KCNT2: variants seen among roughly 807,000 people sequenced by gnomAD.
KCNT2 encodes the protein potassium channel subfamily T member 2.
In KCNT2, 67 loss-of-function variants were observed where a neutral mutation model predicts 153.8. The observed-to-expected ratio is 0.44, with a 90% CI of 0.36 to 0.53. KCNT2 has a LOEUF of 0.53. Ranked by LOEUF, KCNT2 falls within the 20% of genes least tolerant of loss-of-function variation. The probability of loss-of-function intolerance (pLI) is 0.00; values close to 1 mark genes in which losing one functional copy is unlikely to be tolerated. For synonymous variants in KCNT2, 500 were observed against 458.8 expected, an observed-to-expected ratio of 1.09 and a Z score of -1.15; for missense variants, 975 against 1,354.8, an observed-to-expected ratio of 0.72 and a Z score of 4.40.
intron 22 of KCNT2, among the ~76,000 whole-genome samples, chr1:196,287,724 G>T (rs1369983837): frequency 6.6e-6 from 1 of 151,952 alleles, no homozygotes. Flanking sequence ...CGTTGAGAAC[G>T]TACTTTGTGT....
At chr1:196,528,350 T>G (rs1373023931) in intron 1 of KCNT2, among the ~76,000 whole-genome samples, 1 of 152,186 alleles carries the variant, frequency 6.6e-6, no homozygotes. Flanking sequence ...ACTAGTTTTA[T>G]TATTCTATGT....
intron 8 of KCNT2, among the ~76,000 whole-genome samples, chr1:196,441,407 T>C (rs571439275): frequency 6.6e-5 from 9 of 135,714 alleles, no homozygotes; most frequent in African/African-American, 2.4e-4. Context: ...TATCTTAATT[T>C]ATATATTTTA....
chr1:196,344,404 T>C (rs989716925), intron 14 of KCNT2, among the ~76,000 whole-genome samples: 3 of 152,166 alleles, frequency 2.0e-5, no homozygotes, highest in Non-Finnish European at 2.9e-5. Flanking sequence ...TAAAACAGTT[T>C]TGATTTTTGA....
intron 22 of KCNT2, among the ~76,000 whole-genome samples, chr1:196,295,657 T>C (rs557087643): frequency 1.3e-5 from 2 of 152,116 alleles, no homozygotes; most frequent in East Asian, 3.9e-4. Context: ...AGTATAAGTG[T>C]AAAAACTAGG....
intron 14 of KCNT2, among the ~76,000 whole-genome samples, chr1:196,369,455 C>T (rs1185011428): frequency 6.6e-6 from 1 of 151,946 alleles, no homozygotes; most frequent in Non-Finnish European, 1.5e-5. Context: ...AGGTATATTT[C>T]CCAGTGCTAT....
intron 26 of KCNT2, among the ~76,000 whole-genome samples, chr1:196,249,936 A>G (rs1001775516): frequency 1.3e-5 from 2 of 152,138 alleles, no homozygotes; most frequent in African/African-American, 4.8e-5. Context: ...ACATTGATGA[A>G]AGAAATTGAA....
intron 13 of KCNT2, among the ~76,000 whole-genome samples, chr1:196,379,152 A>T (rs1037787430): frequency 2.0e-5 from 3 of 152,218 alleles, no homozygotes; most frequent in Non-Finnish European, 4.4e-5. Flanking sequence ...GAGACAACAT[A>T]TGTAGCAAAA....
At chr1:196,551,399 G>A (rs1657888020) in intron 1 of KCNT2, among the ~76,000 whole-genome samples, 5 of 151,726 alleles carry the variant, frequency 3.3e-5, no homozygotes, top group Middle Eastern at 3.2e-3. Context: ...TTAAATCTGA[G>A]AGAACTTTTG....
chr1:196,351,130 G>C (rs577379453), intron 14 of KCNT2, among the ~76,000 whole-genome samples: 1 of 152,270 alleles, frequency 6.6e-6, no homozygotes, highest in Non-Finnish European at 1.5e-5. Context: ...TTTGAAGTTA[G>C]GTAGCGTGAT....
At chr1:196,458,299 TTC>T (rs1214399498) in intron 8 of KCNT2, among the ~76,000 whole-genome samples, 2 of 151,996 alleles carry the variant, frequency 1.3e-5, no homozygotes, top group African/African-American at 4.8e-5. Flanking sequence ...TATTAATTAT[TTC>T]TTTTATAAAA....
chr1:196,519,091 A>T (rs921630441), intron 1 of KCNT2, among the ~76,000 whole-genome samples: 1 of 152,054 alleles, frequency 6.6e-6, no homozygotes, highest in Non-Finnish European at 1.5e-5. Flanking sequence ...TACCAAACAC[A>T]CTCTCAGAAC....
At chr1:196,412,406 G>A (rs1210362583) in intron 12 of KCNT2, among the ~76,000 whole-genome samples, 1 of 151,634 alleles carries the variant, frequency 6.6e-6, no homozygotes, top group Non-Finnish European at 1.5e-5. Flanking sequence ...TTTTTTGAAT[G>A]AATACAGGAA....
rs1673815380 is a variant in KCNT2, at chr1:196,428,147, A to G, written c.942T>C (p.Leu314=). 6.2e-7 allele frequency: 1 copy of G among 1,612,652 alleles called. No individual in the cohort carries two copies. The highest frequency in any genetic ancestry group is 8.5e-7 in the Non-Finnish European group (1 of 1,179,112). ...LCVSSLKIDL[L]MDFLNEFYAH... ...CATAGAATTCATTTAAAAAATCCAT[A>G]AGTAAATCAATCTTCAGTGAGCTGA... Residue 314 remains leucine (L), a synonymous_variant, in exon 10 of 28, where the codon CTT becomes CTC. Transcript: ENST00000294725.
At chr1:196,482,304 T>A (rs749327355) in intron 4 of KCNT2, 27 bp downstream of exon 4, 1 of 1,483,514 alleles carries the variant, frequency 6.7e-7, no homozygotes, top group South Asian at 1.2e-5. Flanking sequence ...CCCAGAGATA[T>A]AGGGATAAAA....
intron 25 of KCNT2, among the ~76,000 whole-genome samples, chr1:196,267,964 A>G (rs974648624): frequency 1.8e-4 from 28 of 152,138 alleles, no homozygotes; most frequent in African/African-American, 6.0e-4. Context: ...GGGATTAATC[A>G]AGTGAACAGT....
At chr1:196,267,885 T>A (rs1356562618) in intron 25 of KCNT2, among the ~76,000 whole-genome samples, 1 of 152,128 alleles carries the variant, frequency 6.6e-6, no homozygotes, top group African/African-American at 2.4e-5. Context: ...CTCAGCCCCT[T>A]GTCATATGCC....
intron 22 of KCNT2, among the ~76,000 whole-genome samples, chr1:196,291,619 G>A (rs1366105231): frequency 6.6e-6 from 1 of 152,014 alleles, no homozygotes; most frequent in Non-Finnish European, 1.5e-5. Context: ...CTACCTCTCT[G>A]TGTCTCAAGA....
intron 8 of KCNT2, among the ~76,000 whole-genome samples, chr1:196,452,009 G>A (rs142123930): frequency 6.6e-6 from 1 of 151,972 alleles, no homozygotes; most frequent in East Asian, 2.0e-4. Flanking sequence ...TAATAGACAA[G>A]TATTCCCACA....
intron 13 of KCNT2, among the ~76,000 whole-genome samples, chr1:196,383,132 T>G (rs1339963817): frequency 6.6e-6 from 1 of 152,120 alleles, no homozygotes; most frequent in Non-Finnish European, 1.5e-5. Flanking sequence ...ACAGGAAGAC[T>G]CTAAACTGAT....
Sources: gnomAD v4.1 joint callset for allele counts (sites outside exome capture counted in the v4.1 genomes callset) on GRCh38, gnomAD v4.1.1 for gene constraint, MANE v1.5 for transcripts, NCBI Gene and HGNC (gene_info 2026-07-23, HGNC 2026-07-21) for gene names.